Variants in EGFLAM observed in about 807,000 individuals in gnomAD.
EGFLAM encodes pikachurin.
A neutral mutation model predicts 113.1 loss-of-function variants in EGFLAM; 79 were observed. The ratio of observed to expected loss-of-function variants is 0.70; its 90% CI spans 0.58 to 0.84. The LOEUF is 0.84. EGFLAM is among the 40% of genes least tolerant of loss of function. EGFLAM has a pLI of 0.00. For missense variants in EGFLAM, 1,265 were observed against 1,291.6 expected, an observed-to-expected ratio of 0.98 and a Z score of 0.32; for synonymous variants, 504 against 487.6, an observed-to-expected ratio of 1.03 and a Z score of -0.44.
At position 38,407,076 on chromosome 5, in the gene EGFLAM, C is replaced by T; in HGVS notation, c.1077C>T (p.Val359=). The T allele has an allele frequency of 6.2e-7, 1 of 1,614,138 alleles. No individual in the cohort carries two copies. Among genetic ancestry groups the T allele is most frequent in the Non-Finnish European group, 8.5e-7 (1 of 1,180,038 alleles). ...TCTGCTCTGCTGACAGCTTCTGTGT[C>T]AATGACTACACCTGGGGGGGCTCGC... ...ETLCSADSFC[V]NDYTWGGSRC... The change falls in exon 8 of 22, where the codon GTC becomes GTT. Residue 359 remains valine, a synonymous_variant. Coordinates refer to ENST00000322350, the MANE Select transcript of EGFLAM (RefSeq NM_152403.4).
chr5:38,299,209 A>T (rs1051564393), intron 1 of EGFLAM, among the ~76,000 whole-genome samples: 1 of 152,226 alleles, frequency 6.6e-6, no homozygotes, highest in African/African-American at 2.4e-5. Flanking sequence ...TGTGTAACAC[A>T]CAAGGAAGAA....
intron 5 of EGFLAM, among the ~76,000 whole-genome samples, chr5:38,366,240 G>A (rs1579826463): frequency 6.6e-6 from 1 of 152,146 alleles, no homozygotes; most frequent in Admixed American, 6.5e-5. Flanking sequence ...CCTAGGATAT[G>A]GATTCTGGGA....
At chr5:38,281,371 TAAA>T (rs5867401) in intron 1 of EGFLAM, among the ~76,000 whole-genome samples, 1 of 151,266 alleles carries the variant, frequency 6.6e-6, no homozygotes, top group Non-Finnish European at 1.5e-5. Flanking sequence ...AATAATTTTA[TAAA>T]AAAAAATCAT....
intron 1 of EGFLAM, among the ~76,000 whole-genome samples, chr5:38,303,620 T>C (rs1438811921): frequency 6.6e-6 from 1 of 152,214 alleles, no homozygotes; most frequent in East Asian, 1.9e-4. Flanking sequence ...AGCCTAGCTT[T>C]CTAAATAAGT....
At chr5:38,289,274 C>CT (rs1561264727) in intron 1 of EGFLAM, among the ~76,000 whole-genome samples, 1 of 148,730 alleles carries the variant, frequency 6.7e-6, no homozygotes, top group African/African-American at 2.5e-5. Flanking sequence ...TTTCTTTCCC[C>CT]GCCCCCACAT....
At chr5:38,265,061 A>C (rs1757600151) in intron 1 of EGFLAM, among the ~76,000 whole-genome samples, 1 of 152,244 alleles carries the variant, frequency 6.6e-6, no homozygotes, top group South Asian at 2.1e-4. Context: ...CAAGGTCAGG[A>C]GTAAGTGTAG....
intron 20 of EGFLAM, among the ~76,000 whole-genome samples, chr5:38,460,243 C>T (rs1456499213): frequency 6.6e-6 from 1 of 152,234 alleles, no homozygotes; most frequent in Non-Finnish European, 1.5e-5. Flanking sequence ...AGAATACTCA[C>T]ACATTGTGGA....
chr5:38,417,942 C>T (rs1725122237), intron 11 of EGFLAM, 124 bp from the exon 12 acceptor site: 2 of 981,730 alleles, frequency 2.0e-6, no homozygotes, highest in Admixed American at 2.6e-5. Context: ...AAGATAAATA[C>T]AGATGGAAGA....
intron 17 of EGFLAM, among the ~76,000 whole-genome samples, chr5:38,444,010 A>T (rs531191745): frequency 9.1e-4 from 138 of 152,068 alleles, no homozygotes; most frequent in African/African-American, 3.3e-3. Context: ...ACCTCAGGTG[A>T]TCCACCCGCC....
At chr5:38,299,441 C>T (rs549057425) in intron 1 of EGFLAM, among the ~76,000 whole-genome samples, 11 of 152,170 alleles carry the variant, frequency 7.2e-5, no homozygotes, top group Admixed American at 2.0e-4. Context: ...GATGTTTGTT[C>T]CCTGCAAATC....
At chr5:38,317,307 C>T (rs1738626242) in intron 1 of EGFLAM, among the ~76,000 whole-genome samples, 1 of 152,044 alleles carries the variant, frequency 6.6e-6, no homozygotes, top group Non-Finnish European at 1.5e-5. Flanking sequence ...GATGTTGAGA[C>T]CGAAACTGCC....
intron 6 of EGFLAM, among the ~76,000 whole-genome samples, chr5:38,405,249 A>C (rs1371611418): frequency 6.6e-6 from 1 of 152,212 alleles, no homozygotes; most frequent in African/African-American, 2.4e-5. Context: ...CTTAAGAAAC[A>C]GAATATGATG....
chr5:38,351,795 G>A (rs1739632059), intron 4 of EGFLAM, among the ~76,000 whole-genome samples: 1 of 152,162 alleles, frequency 6.6e-6, no homozygotes, highest in African/African-American at 2.4e-5. Flanking sequence ...TTCCTTGAAG[G>A]TAAATATCAG....
At chr5:38,367,499 C>T (rs2112027845) in intron 5 of EGFLAM, among the ~76,000 whole-genome samples, 1 of 152,088 alleles carries the variant, frequency 6.6e-6, no homozygotes, top group South Asian at 2.1e-4. Flanking sequence ...TATCCTCCCA[C>T]CTCGGCCTTC....
rs145865532 is a variant in EGFLAM at position 38,380,299 on chromosome 5, G to C, written c.712+9837G>C. On this transcript the variant is annotated intron_variant, in intron 6 of 21. Coordinates refer to ENST00000322350, the MANE Select transcript of EGFLAM (RefSeq NM_152403.4). Reference sequence around the variant, plus strand: ...ATAGCAATTTTGTCAAGCTTTTAAGGAATCAATTAGCACATACTAATGAAC... The same window carrying C: ...ATAGCAATTTTGTCAAGCTTTTAAGCAATCAATTAGCACATACTAATGAAC... Among the ~76,000 whole-genome samples the C allele has an allele frequency of 6.6e-4, 101 of 152,284 alleles. 1 individual carries two copies. Among genetic ancestry groups the C allele is most frequent in the African/African-American group, 1.7e-3 (72 of 41,558 alleles).
At chr5:38,440,610 G>C (rs1742502793) in intron 17 of EGFLAM, among the ~76,000 whole-genome samples, 3 of 152,198 alleles carry the variant, frequency 2.0e-5, no homozygotes, top group Admixed American at 1.3e-4. Flanking sequence ...AGAATGGTGA[G>C]AAGCCATCCT....
intron 2 of EGFLAM, among the ~76,000 whole-genome samples, chr5:38,337,839 C>A (rs1739228513): frequency 6.6e-6 from 1 of 152,144 alleles, no homozygotes; most frequent in South Asian, 2.1e-4. Context: ...TAGGATCTAT[C>A]CAGTCCTTCC....
intron 10 of EGFLAM, 90 bp downstream of exon 10, chr5:38,409,194 G>A: frequency 1.0e-6 from 1 of 996,624 alleles, no homozygotes; most frequent in Non-Finnish European, 1.5e-6. Context: ...ATATATACAG[G>A]ATAGGTTCTA....
intron 15 of EGFLAM, among the ~76,000 whole-genome samples, 194 bp from the exon 16 acceptor site, chr5:38,434,943 C>A (rs1742296603): frequency 6.6e-6 from 1 of 152,150 alleles, no homozygotes; most frequent in African/African-American, 2.4e-5. Context: ...AAGACGTTCA[C>A]CAACATTCAG....
Sources: gnomAD v4.1 joint callset for allele counts (sites outside exome capture counted in the v4.1 genomes callset) on GRCh38, gnomAD v4.1.1 for gene constraint, MANE v1.5 for transcripts, NCBI Gene and HGNC (gene_info 2026-07-23, HGNC 2026-07-21) for gene names.